UVRAG: variants seen among roughly 807,000 people sequenced by gnomAD.
The protein encoded by UVRAG is UV radiation resistance-associated gene protein.
A neutral mutation model predicts 78.0 loss-of-function variants in UVRAG; 19 were observed. That is an observed-to-expected ratio of 0.24 (90% CI 0.17 to 0.36). The LOEUF (loss-of-function observed/expected upper bound fraction) is 0.36, where lower values mean the gene tolerates loss of function less well. UVRAG is among the 10% of genes least tolerant of loss of function. The pLI is 1.00. For synonymous variants in UVRAG, 323 were observed against 324.6 expected (o/e 1.00, Z 0.05); for missense variants, 740 against 853.8 (o/e 0.87, Z 1.66).
intron 8 of UVRAG, among the ~76,000 whole-genome samples, chr11:75,992,467 G>C (rs1009214620): frequency 6.6e-6 from 1 of 152,148 alleles, no homozygotes; most frequent in African/African-American, 2.4e-5. Flanking sequence ...TAGAAGGTTA[G>C]GATCTAATGT....
chr11:75,869,459 TTGAG>T (rs1946602177), intron 3 of UVRAG, among the ~76,000 whole-genome samples: 2 of 152,152 alleles, frequency 1.3e-5, no homozygotes, highest in East Asian at 1.9e-4. Context: ...TGAATTAACA[TTGAG>T]TGTGTGTGTG....
Position 75,815,455 on chromosome 11 carries a change from G to T in UVRAG, c.48G>T (p.Pro16=). ...SVGGPVPQPP[P]GPAAALPPGS... is the part of the protein sequence containing the mutation. The stretch of plus-strand genomic sequence containing the variant: ...GGGGCCCCGTCCCCCAGCCACCCCC[G>T]GGCCCGGCCGCTGCTCTGCCTCCCG... Residue 16 remains proline (P), a synonymous_variant, in exon 1 of 15, where the codon CCG becomes CCT. Coordinates refer to ENST00000356136, the MANE Select transcript of UVRAG (RefSeq NM_003369.4). The T allele has an allele frequency of 1.5e-5, 19 of 1,248,580 alleles. No homozygotes were observed. The highest frequency in any genetic ancestry group is 1.9e-5 in the Non-Finnish European group (19 of 995,930). The allele number at this position is 1,248,580 out of a possible 1,614,324, so 77.3% of individuals were successfully genotyped here. A position where few individuals can be genotyped will look rare whatever the true frequency, so the allele number is the denominator to read the frequency against.
chr11:76,116,252 G>T (rs562881208), intron 14 of UVRAG, among the ~76,000 whole-genome samples: 1 of 152,202 alleles, frequency 6.6e-6, no homozygotes, highest in Non-Finnish European at 1.5e-5. Flanking sequence ...ACTTTGGGAA[G>T]GTGGCTGAGC....
chr11:75,942,756 G>T (rs1948511004), intron 6 of UVRAG, among the ~76,000 whole-genome samples: 1 of 152,156 alleles, frequency 6.6e-6, no homozygotes, highest in Non-Finnish European at 1.5e-5. Flanking sequence ...GAATTGTCTA[G>T]TTGAATAAGA....
At chr11:75,867,703 CA>C (rs1946566359) in intron 3 of UVRAG, among the ~76,000 whole-genome samples, 1 of 152,112 alleles carries the variant, frequency 6.6e-6, no homozygotes, top group Non-Finnish European at 1.5e-5. Flanking sequence ...AATAGTTTTC[CA>C]AAATTATTGT....
At chr11:75,991,341 C>CT (rs1055012519) in intron 8 of UVRAG, among the ~76,000 whole-genome samples, 1 of 152,038 alleles carries the variant, frequency 6.6e-6, no homozygotes, top group African/African-American at 2.4e-5. Flanking sequence ...CATATCTTAC[C>CT]TTTTTTAAGA....
intron 8 of UVRAG, among the ~76,000 whole-genome samples, chr11:76,003,606 A>C (rs1459637102): frequency 6.6e-6 from 1 of 152,096 alleles, no homozygotes; most frequent in African/African-American, 2.4e-5. Context: ...AAATACAGGT[A>C]CTTTTTTACT....
chr11:76,110,211 CAT>C lies in UVRAG; in HGVS notation c.1306-5694_1306-5693del, dbSNP rs10526191. 4.0e-3 allele frequency among the ~76,000 whole-genome samples: 542 copies of C among 136,290 alleles called. 3 individuals carry two copies. The highest frequency in any genetic ancestry group is 7.2e-3 in the African/African-American group (244 of 33,682). 89.4% of individuals were successfully genotyped at this position (136,290 alleles called of 152,430 possible). On this transcript the variant is annotated intron_variant, in intron 13 of 14. Transcript: ENST00000356136. Reference sequence around the variant, plus strand: ...GTGGAGAATATATATATATCTGGTACATATATATATATATATATATGTATTAG... The same window carrying C: ...GTGGAGAATATATATATATCTGGTACATATATATATATATATATGTATTAG...
At chr11:76,006,652 C>A (rs1321043347) in intron 9 of UVRAG, among the ~76,000 whole-genome samples, 1 of 124,452 alleles carries the variant, frequency 8.0e-6, no homozygotes, top group Admixed American at 8.2e-5. Flanking sequence ...TAAAGTGAGA[C>A]CCCGTCTCAA....
At chr11:75,994,136 A>C (rs1297646744) in intron 8 of UVRAG, among the ~76,000 whole-genome samples, 1 of 152,226 alleles carries the variant, frequency 6.6e-6, no homozygotes, top group Non-Finnish European at 1.5e-5. Context: ...ACAAATGTTG[A>C]TAAAAACCCA....
chr11:76,028,595 A>G (rs1447149198), intron 12 of UVRAG, among the ~76,000 whole-genome samples: 1 of 152,156 alleles, frequency 6.6e-6, no homozygotes, highest in Non-Finnish European at 1.5e-5. Context: ...CTTATTGCTG[A>G]TATGGATAGA....
intron 5 of UVRAG, among the ~76,000 whole-genome samples, chr11:75,895,570 A>G (rs1364229594): frequency 6.6e-6 from 1 of 151,640 alleles, no homozygotes; most frequent in Non-Finnish European, 1.5e-5. Context: ...AGGGAGTGAT[A>G]TATTCTGGTT....
intron 12 of UVRAG, among the ~76,000 whole-genome samples, chr11:76,020,322 A>G (rs141617345): frequency 6.6e-6 from 1 of 151,866 alleles, no homozygotes; most frequent in Non-Finnish European, 1.5e-5. Context: ...TTGGTGCTCT[A>G]CTCCACTGTG....
At chr11:76,094,576 G>T (rs1191355155) in intron 13 of UVRAG, among the ~76,000 whole-genome samples, 2 of 152,090 alleles carry the variant, frequency 1.3e-5, no homozygotes, top group Non-Finnish European at 2.9e-5. Flanking sequence ...TTTCTTCCTG[G>T]TTTAGTCTTG....
chr11:75,940,371 A>C lies in UVRAG; in HGVS notation c.594-21073A>C, dbSNP rs889799067. On this transcript the variant is annotated intron_variant, in intron 6 of 14. Coordinates refer to ENST00000356136, the MANE Select transcript of UVRAG (RefSeq NM_003369.4). ...TGACTTAAGAGTCAGTTTTCTAGTT[A>C]TTTCTAAAACTAATAACATTTTAAA... is the stretch of plus-strand genomic sequence containing the variant. 3.9e-5 allele frequency among the ~76,000 whole-genome samples: 6 copies of C among 152,330 alleles called. No homozygotes were observed. The South Asian group carries it at 1.2e-3, about 32-fold the overall frequency.
At chr11:76,021,976 C>T (rs974803869) in intron 12 of UVRAG, among the ~76,000 whole-genome samples, 5 of 152,110 alleles carry the variant, frequency 3.3e-5, no homozygotes, top group African/African-American at 1.2e-4. Flanking sequence ...ATTGATTAAG[C>T]CCAGGAGGCG....
chr11:76,057,729 C>A (rs1203818929), intron 12 of UVRAG, among the ~76,000 whole-genome samples: 1 of 151,354 alleles, frequency 6.6e-6, no homozygotes, highest in Admixed American at 6.6e-5. Context: ...TTTTTTTTCC[C>A]CCTCTTTAGT....
intron 7 of UVRAG, among the ~76,000 whole-genome samples, chr11:75,965,225 G>T (rs1948994757): frequency 6.6e-6 from 1 of 152,186 alleles, no homozygotes; most frequent in East Asian, 1.9e-4. Context: ...CGTGAACATG[G>T]TGTATATCTC....
At chr11:76,109,315 C>T (rs1952028234) in intron 13 of UVRAG, among the ~76,000 whole-genome samples, 1 of 152,172 alleles carries the variant, frequency 6.6e-6, no homozygotes, top group Non-Finnish European at 1.5e-5. Context: ...TGTTGTTTCC[C>T]TCGTTCACTC....
Sources: allele counts gnomAD v4.1 joint callset (sites outside exome capture counted in the v4.1 genomes callset), GRCh38; gene constraint gnomAD v4.1.1; transcripts MANE v1.5; gene names NCBI Gene and HGNC (gene_info 2026-07-23, HGNC 2026-07-21).